Variants in LRBA observed in about 807,000 individuals in gnomAD.
The protein encoded by LRBA is LPS responsive beige-like anchor protein, also known as lipopolysaccharide-responsive and beige-like anchor protein.
In LRBA, 176 loss-of-function variants were observed where a neutral mutation model predicts 330.0. That is an observed-to-expected ratio of 0.53 (90% CI 0.47 to 0.60). The LOEUF (loss-of-function observed/expected upper bound fraction) is 0.60. Among genes scored for constraint, LRBA ranks in the 20% least tolerant of loss-of-function variants. The pLI is 0.00. For missense variants in LRBA, 3,259 were observed against 3,444.8 expected, an observed-to-expected ratio of 0.95 and a Z score of 1.35; for synonymous variants, 1,230 against 1,193.0, an observed-to-expected ratio of 1.03 and a Z score of -0.64.
rs183821486 is a variant in LRBA, at chr4:150,902,434, C to T, written c.1756-2217G>A. Among the ~76,000 whole-genome samples, 7 of 151,974 alleles carry T rather than the reference C, an allele frequency of 4.6e-5. 1 individual carries two copies. The highest frequency in any genetic ancestry group is 2.0e-4 in the Admixed American group (3 of 15,264). On this transcript the variant is annotated intron_variant, in intron 13 of 56. Transcript: ENST00000651943. ...GCAGGAGAATAGGGTCTGGAGGCAG[C>T]GAACCTAAGGACTTCCTAGAACTAA...
intron 37 of LRBA, among the ~76,000 whole-genome samples, chr4:150,682,622 A>G (rs1484373028): frequency 6.6e-6 from 1 of 152,120 alleles, no homozygotes; most frequent in East Asian, 1.9e-4. Flanking sequence ...CTAAAAGTTA[A>G]AATTTTTTTC....
intron 2 of LRBA, among the ~76,000 whole-genome samples, chr4:150,996,068 C>CAAAAAAA (rs1742601097): frequency 3.0e-5 from 1 of 33,370 alleles, no homozygotes. Context: ...TCAACAACAA[C>CAAAAAAA]CAAAAAAAAA....
intron 47 of LRBA, among the ~76,000 whole-genome samples, chr4:150,369,085 ATTCCT>A (rs761111649): frequency 4.6e-5 from 7 of 152,176 alleles, no homozygotes; most frequent in Non-Finnish European, 1.0e-4. Flanking sequence ...AAGACTCAAT[ATTCCT>A]AGTAGATAAA....
At chr4:150,335,483 A>G (rs1164529721) in intron 48 of LRBA, among the ~76,000 whole-genome samples, 3 of 95,386 alleles carry the variant, frequency 3.1e-5, no homozygotes, top group Admixed American at 1.0e-4. Context: ...ATACGTATAT[A>G]TGTGTGTGTA....
intron 48 of LRBA, among the ~76,000 whole-genome samples, chr4:150,348,479 C>T (rs557019905): frequency 1.1e-4 from 17 of 152,132 alleles, no homozygotes; most frequent in African/African-American, 2.4e-4. Context: ...ATTAGAAATA[C>T]GGAGATTGCA....
chr4:150,773,063 A>G (rs1345740540), intron 34 of LRBA, among the ~76,000 whole-genome samples: 2 of 152,200 alleles, frequency 1.3e-5, no homozygotes. Context: ...CATGTCCCAC[A>G]ACACTGGAGC....
intron 40 of LRBA, among the ~76,000 whole-genome samples, chr4:150,566,842 T>C (rs1015106864): frequency 4.6e-5 from 7 of 152,126 alleles, no homozygotes; most frequent in African/African-American, 1.7e-4. Flanking sequence ...GTATAAAAGC[T>C]GAAATCAAAT....
chr4:150,564,360 T>C (rs932584087), intron 40 of LRBA, among the ~76,000 whole-genome samples: 36 of 152,186 alleles, frequency 2.4e-4, no homozygotes, highest in African/African-American at 8.4e-4. Flanking sequence ...CTGGATCCCT[T>C]CCTTATCCCT....
At chr4:150,389,262 G>A (rs1743532429) in intron 47 of LRBA, among the ~76,000 whole-genome samples, 1 of 152,136 alleles carries the variant, frequency 6.6e-6, no homozygotes, top group South Asian at 2.1e-4. Flanking sequence ...GCTGAGGTGG[G>A]AGGATTGCTT....
chr4:150,760,554 AAC>A (rs143415433), intron 35 of LRBA, among the ~76,000 whole-genome samples: 13,361 of 147,038 alleles, frequency 0.091, 1,004 homozygotes, highest in African/African-American at 0.22. Context: ...ACACCTCTCC[AAC>A]ACACACACAC....
intron 40 of LRBA, among the ~76,000 whole-genome samples, chr4:150,572,987 G>C (rs996310789): frequency 6.6e-6 from 1 of 152,120 alleles, no homozygotes; most frequent in Non-Finnish European, 1.5e-5. Flanking sequence ...ACTGCCTGAT[G>C]CTTTCAGGAC....
chr4:150,828,638 A>G lies in LRBA; in HGVS notation c.4730-17T>C. Reference sequence around the variant, plus strand: ...GTGTGATTTCTATATCATACCCAGAAACACAAGAAATAAACAAACAAAAGT... The same window carrying G: ...GTGTGATTTCTATATCATACCCAGAGACACAAGAAATAAACAAACAAAAGT... On this transcript the variant is annotated splice_polypyrimidine_tract_variant and intron_variant, in intron 29 of 56. Coordinates refer to ENST00000651943, the MANE Select transcript of LRBA (RefSeq NM_001364905.1). 6.3e-7 allele frequency: 1 copy of G among 1,588,478 alleles called. No individual in the cohort carries two copies. The highest frequency in any genetic ancestry group is 8.6e-7 in the Non-Finnish European group (1 of 1,166,002).
chr4:150,742,288 T>A (rs1183522887), intron 35 of LRBA, among the ~76,000 whole-genome samples: 2 of 151,544 alleles, frequency 1.3e-5, no homozygotes, highest in Non-Finnish European at 2.9e-5. Context: ...TGGGACTATA[T>A]ACATGTGCCA....
At chr4:150,987,701 G>A (rs1741615354) in intron 2 of LRBA, among the ~76,000 whole-genome samples, 1 of 149,920 alleles carries the variant, frequency 6.7e-6, no homozygotes, top group African/African-American at 2.5e-5. Flanking sequence ...GTGAGTCTCT[G>A]TATCCAAAAA....
intron 34 of LRBA, among the ~76,000 whole-genome samples, chr4:150,796,164 C>G (rs1740756392): frequency 6.6e-6 from 1 of 151,898 alleles, no homozygotes; most frequent in Admixed American, 6.6e-5. Context: ...CAATCAAACT[C>G]AAGCCATCCC....
In LRBA at chr4:150,412,899, G is replaced by T. The variant is rs144001375; in HGVS notation, c.7194+2539C>A. ...TTAGTTAAAACATTTTTTAAATCGTGATTCAAAAGACACCATTAAAAAATA... is the reference window on the plus strand; with the variant it reads ...TTAGTTAAAACATTTTTTAAATCGTTATTCAAAAGACACCATTAAAAAATA... On this transcript the variant is annotated intron_variant, in intron 47 of 56. Transcript: ENST00000651943. Among the ~76,000 whole-genome samples the T allele has an allele frequency of 4.2e-3, 637 of 150,710 alleles. 4 individuals are homozygous for T. The highest frequency in any genetic ancestry group is 0.015 in the African/African-American group (616 of 41,250).
intron 17 of LRBA, among the ~76,000 whole-genome samples, chr4:150,887,828 G>A (rs1729110894): frequency 1.3e-5 from 2 of 149,234 alleles, no homozygotes; most frequent in South Asian, 4.3e-4. Context: ...AAATTTGGTA[G>A]TAATCACAAA....
At chr4:150,516,927 T>A (rs1762420660) in intron 40 of LRBA, among the ~76,000 whole-genome samples, 2 of 152,196 alleles carry the variant, frequency 1.3e-5, no homozygotes, top group African/African-American at 4.8e-5. Context: ...CCCACATTTT[T>A]CATAGTGACA....
At chr4:150,684,976 A>C (rs1162649462) in intron 36 of LRBA, among the ~76,000 whole-genome samples, 1 of 152,134 alleles carries the variant, frequency 6.6e-6, no homozygotes, top group Non-Finnish European at 1.5e-5. Context: ...AAACTGGATT[A>C]GGGAAGGACA....
Sources: allele counts gnomAD v4.1 joint callset (sites outside exome capture counted in the v4.1 genomes callset), GRCh38; gene constraint gnomAD v4.1.1; transcripts MANE v1.5; gene names NCBI Gene and HGNC (gene_info 2026-07-23, HGNC 2026-07-21).